The following RIPOR3 variants were observed in gnomAD, a reference collection of about 807,000 sequenced individuals.
The protein encoded by RIPOR3 is RIPOR family member 3.
Under a neutral mutation model 114.3 loss-of-function variants are expected in RIPOR3, and 95 were observed. The observed-to-expected ratio is 0.83, with a 90% CI of 0.70 to 0.99. RIPOR3 has a LOEUF of 0.99. RIPOR3 is among the 50% of genes least tolerant of loss of function. The pLI, the probability that RIPOR3 is intolerant of heterozygous loss-of-function variation, is 0.00. For synonymous variants in RIPOR3, 575 were observed against 543.8 expected (o/e 1.06, Z -0.80); for missense variants, 1,252 against 1,266.9 (o/e 0.99, Z 0.18).
At chr20:50,661,580 G>C (rs2085997229) in intron 1 of RIPOR3, among the ~76,000 whole-genome samples, 1 of 152,088 alleles carries the variant, frequency 6.6e-6, no homozygotes. Flanking sequence ...CCCTTTCCTG[G>C]TCTGAAGCAT....
Position 50,597,674 on chromosome 20 carries a change from T to C in RIPOR3, c.1696A>G (p.Ser566Gly), listed in dbSNP as rs766454609. Residue 566 changes from serine to glycine, a missense_variant, in exon 14 of 22, where the codon AGC (serine) becomes GGC (glycine). Ser to Gly is a moderately conservative substitution (Grantham distance 56, BLOSUM62 0). Transcript: ENST00000327979. The part of the protein sequence containing the change: ...RARQEHTSAE[S>G]LMECILESFA... Reference sequence around the variant, plus strand: ...CTCTCCAGGATGCACTCCATCAGGCTCTCGGCCGAGGTGTGCTCCTGCCGT... The same window carrying C: ...CTCTCCAGGATGCACTCCATCAGGCCCTCGGCCGAGGTGTGCTCCTGCCGT... The C allele has an allele frequency of 1.2e-6, 2 of 1,612,182 alleles. No homozygotes were observed. The highest frequency in any genetic ancestry group is 3.3e-5 in the Admixed American group (2 of 59,878).
chr20:50,648,346 A>G (rs75588538), intron 1 of RIPOR3, among the ~76,000 whole-genome samples: 3,120 of 151,484 alleles, frequency 0.021, 120 homozygotes, highest in African/African-American at 0.072. Flanking sequence ...AAAAAAAAAA[A>G]TACTACAAAC....
chr20:50,674,856 G>A (rs1390612826), intron 1 of RIPOR3, among the ~76,000 whole-genome samples: 1 of 151,912 alleles, frequency 6.6e-6, no homozygotes, highest in Non-Finnish European at 1.5e-5. Flanking sequence ...GCTGAGACAG[G>A]AGGATCACTT....
intron 2 of RIPOR3, among the ~76,000 whole-genome samples, chr20:50,623,209 G>A (rs1043820399): frequency 2.7e-5 from 4 of 148,604 alleles, no homozygotes; most frequent in Non-Finnish European, 4.4e-5. Flanking sequence ...GCAGTGAGCC[G>A]AGATCATGCC....
intron 1 of RIPOR3, among the ~76,000 whole-genome samples, chr20:50,633,984 T>C (rs991929593): frequency 1.2e-3 from 106 of 88,804 alleles, no homozygotes; most frequent in Admixed American, 5.0e-3. Flanking sequence ...TCTTTTCTTT[T>C]TTTTTTTTTT....
intron 1 of RIPOR3, among the ~76,000 whole-genome samples, chr20:50,656,758 A>G (rs985286796): frequency 2.0e-5 from 3 of 152,170 alleles, no homozygotes; most frequent in African/African-American, 7.2e-5. Flanking sequence ...TCGGCCTCCC[A>G]AAGTGCTGGG....
intron 11 of RIPOR3, among the ~76,000 whole-genome samples, chr20:50,605,825 G>A (rs533699442): frequency 3.9e-4 from 59 of 152,236 alleles, no homozygotes; most frequent in African/African-American, 1.4e-3. Context: ...GGAAATGGAG[G>A]CTTGGGCCTC....
chr20:50,616,133 A>G (rs2084164429), intron 3 of RIPOR3, 53 bp from the exon 4 acceptor site: 1 of 1,560,250 alleles, frequency 6.4e-7, no homozygotes, highest in Non-Finnish European at 8.7e-7. Context: ...AGAAAGGGAA[A>G]GGAAGTAGGC....
intron 1 of RIPOR3, among the ~76,000 whole-genome samples, chr20:50,684,305 G>T (rs868464550): frequency 6.6e-6 from 1 of 152,152 alleles, no homozygotes; most frequent in Non-Finnish European, 1.5e-5. Context: ...AGACCTGCGC[G>T]ATATGAACAA....
intron 19 of RIPOR3, 144 bp downstream of exon 19, chr20:50,592,200 C>T (rs1381917189): frequency 9.2e-6 from 7 of 757,278 alleles, no homozygotes; most frequent in African/African-American, 5.4e-5. Flanking sequence ...TGTGTTAGAT[C>T]GTAGCCCAGG....
At position 50,587,904 on chromosome 20, in the gene RIPOR3, T is replaced by G. The variant is rs767321802; in HGVS notation, c.2662-12A>C. ...ATGCTTTCAATGCCCTGTTCGAGATTAGGAGAAAAAGAACCCTTTAGGGGG... is the reference window on the plus strand; with the variant it reads ...ATGCTTTCAATGCCCTGTTCGAGATGAGGAGAAAAAGAACCCTTTAGGGGG... On this transcript the variant is annotated splice_polypyrimidine_tract_variant and intron_variant, in intron 20 of 21. Transcript: ENST00000327979. 1.2e-6 allele frequency: 2 copies of G among 1,613,722 alleles called. No individual in the cohort carries two copies. The highest frequency in any genetic ancestry group is 8.5e-7 in the Non-Finnish European group (1 of 1,179,856).
chr20:50,635,193 A>G (rs1456091957), intron 1 of RIPOR3, among the ~76,000 whole-genome samples: 5 of 152,192 alleles, frequency 3.3e-5, no homozygotes, highest in African/African-American at 1.2e-4. Flanking sequence ...GTAAAACTTT[A>G]TTTACAAAAG....
chr20:50,592,296 G>T, intron 19 of RIPOR3, 48 bp downstream of exon 19: 1 of 1,483,004 alleles, frequency 6.7e-7, no homozygotes, highest in African/African-American at 1.4e-5. Flanking sequence ...GCTTACCTAT[G>T]CCCACACATC....
At chr20:50,684,229 T>C (rs1344967386) in intron 1 of RIPOR3, among the ~76,000 whole-genome samples, 2 of 150,314 alleles carry the variant, frequency 1.3e-5, no homozygotes, top group Non-Finnish European at 3.0e-5. Context: ...GACCAGGGAG[T>C]GAAGGAAGCT....
At chr20:50,615,946 T>G in intron 4 of RIPOR3, 56 bp downstream of exon 4, 1 of 1,523,124 alleles carries the variant, frequency 6.6e-7, no homozygotes. Context: ...GCAGGGTTCA[T>G]CTTTTACTCC....
chr20:50,594,935 G>C (rs1035312998), intron 16 of RIPOR3: 6 of 546,056 alleles, frequency 1.1e-5, no homozygotes, highest in African/African-American at 1.9e-5. Context: ...AACCTGGGAG[G>C]GGCTGCTGTC....
intron 1 of RIPOR3, among the ~76,000 whole-genome samples, chr20:50,683,964 C>T (rs2123623598): frequency 6.6e-6 from 1 of 151,824 alleles, no homozygotes; most frequent in South Asian, 2.1e-4. Context: ...ACCTATAATC[C>T]CAGCTACTCG....
chr20:50,663,459 C>G lies in RIPOR3; in HGVS notation c.3+27667G>C, dbSNP rs186463711. On this transcript the variant is annotated intron_variant, in intron 1 of 21. Coordinates refer to ENST00000327979, the MANE Select transcript of RIPOR3 (RefSeq NM_001290268.2). ...CTCTCCAAGCGCCCCAGTGCAGCGT[C>G]TGATCATAGGGAATAACTCTACCTG... is the stretch of plus-strand genomic sequence containing the variant. 2.1e-4 allele frequency among the ~76,000 whole-genome samples: 32 copies of G among 152,326 alleles called. No individual in the cohort carries two copies. In the East Asian group the frequency reaches 4.6e-3, roughly 22 times the overall value.
At chr20:50,637,734 G>T (rs2085039877) in intron 1 of RIPOR3, among the ~76,000 whole-genome samples, 1 of 151,962 alleles carries the variant, frequency 6.6e-6, no homozygotes. Context: ...AATTAGCCAG[G>T]CGTAGTGGCG....
Sources: gnomAD v4.1 joint callset for allele counts (sites outside exome capture counted in the v4.1 genomes callset) on GRCh38, gnomAD v4.1.1 for gene constraint, MANE v1.5 for transcripts, NCBI Gene and HGNC (gene_info 2026-07-23, HGNC 2026-07-21) for gene names.